TAFA1: variants seen among roughly 807,000 people sequenced by gnomAD.
TAFA1 encodes chemokine-like protein TAFA-1.
Under a neutral mutation model 18.5 loss-of-function variants are expected in TAFA1, and 4 were observed. The observed-to-expected ratio is 0.22, with a 90% CI of 0.11 to 0.49. TAFA1 has a LOEUF of 0.49. Ranked by LOEUF, TAFA1 falls within the 20% of genes least tolerant of loss-of-function variation. The probability of loss-of-function intolerance (pLI) is 0.98; values close to 1 mark genes in which losing one functional copy is unlikely to be tolerated. For missense variants in TAFA1, 147 were observed against 169.0 expected, an observed-to-expected ratio of 0.87 and a Z score of 0.72; for synonymous variants, 56 against 55.2, an observed-to-expected ratio of 1.01 and a Z score of -0.06.
intron 2 of TAFA1, among the ~76,000 whole-genome samples, chr3:68,358,069 C>T (rs934888953): frequency 5.3e-5 from 8 of 151,842 alleles, no homozygotes; most frequent in Non-Finnish European, 8.8e-5. Context: ...TTTCAGGGAA[C>T]CAACATTCAA....
intron 2 of TAFA1, among the ~76,000 whole-genome samples, chr3:68,195,969 A>G (rs543293559): frequency 2.7e-3 from 416 of 151,810 alleles, no homozygotes; most frequent in African/African-American, 8.9e-3. Flanking sequence ...ATATCTAAAA[A>G]TATTTTCTCT....
intron 2 of TAFA1, among the ~76,000 whole-genome samples, chr3:68,394,920 A>T (rs1266631839): frequency 1.3e-5 from 2 of 152,328 alleles, no homozygotes; most frequent in Middle Eastern, 3.4e-3. Flanking sequence ...CACCAAAAGC[A>T]ATTGCAACAA....
chr3:68,013,846 A>G (rs1704520812), intron 2 of TAFA1, among the ~76,000 whole-genome samples: 1 of 152,184 alleles, frequency 6.6e-6, no homozygotes, highest in Non-Finnish European at 1.5e-5. Flanking sequence ...TGATATTATC[A>G]CAGGGTTTCT....
At chr3:68,531,815 C>T (rs901830574) in intron 3 of TAFA1, among the ~76,000 whole-genome samples, 4 of 152,094 alleles carry the variant, frequency 2.6e-5, no homozygotes, top group Non-Finnish European at 1.5e-5. Flanking sequence ...GCCAGGCATT[C>T]CTGGTGGGGG....
chr3:68,333,861 A>G (rs546071844), intron 2 of TAFA1, among the ~76,000 whole-genome samples: 1 of 152,362 alleles, frequency 6.6e-6, no homozygotes, highest in South Asian at 2.1e-4. Flanking sequence ...TACAACATGG[A>G]TGAACCTGGA....
At chr3:68,134,736 G>C (rs1353944138) in intron 2 of TAFA1, among the ~76,000 whole-genome samples, 1 of 152,134 alleles carries the variant, frequency 6.6e-6, no homozygotes, top group Non-Finnish European at 1.5e-5. Context: ...CTAGATGCTG[G>C]GGAGATATTA....
At chr3:68,062,585 T>G (rs1437260306) in intron 2 of TAFA1, among the ~76,000 whole-genome samples, 1 of 152,180 alleles carries the variant, frequency 6.6e-6, no homozygotes, top group Non-Finnish European at 1.5e-5. Context: ...GAATTGTGAC[T>G]TCCTATACAT....
intron 2 of TAFA1, among the ~76,000 whole-genome samples, chr3:68,238,703 T>C (rs1559571133): frequency 6.6e-6 from 1 of 152,198 alleles, no homozygotes; most frequent in African/African-American, 2.4e-5. Flanking sequence ...AGTTTTGTAA[T>C]ATCTTAACAG....
At chr3:68,523,910 G>A (rs141035065) in intron 3 of TAFA1, among the ~76,000 whole-genome samples, 59 of 151,974 alleles carry the variant, frequency 3.9e-4, no homozygotes, top group Admixed American at 1.0e-3. Flanking sequence ...TTCCTATTTC[G>A]TGCTATACCA....
intron 2 of TAFA1, among the ~76,000 whole-genome samples, chr3:68,391,659 C>T (rs1306555775): frequency 6.6e-6 from 1 of 152,200 alleles, no homozygotes; most frequent in African/African-American, 2.4e-5. Flanking sequence ...AACAGTGGAT[C>T]TCTCTGCAGA....
At chr3:68,351,792 G>T (rs1014450606) in intron 2 of TAFA1, among the ~76,000 whole-genome samples, 1 of 151,944 alleles carries the variant, frequency 6.6e-6, no homozygotes, top group Non-Finnish European at 1.5e-5. Context: ...GCTGTCTTCA[G>T]TGGTTAACTT....
chr3:68,342,863 G>T (rs2069107384), intron 2 of TAFA1, among the ~76,000 whole-genome samples: 1 of 152,196 alleles, frequency 6.6e-6, no homozygotes, highest in South Asian at 2.1e-4. Context: ...AATCTGTGGA[G>T]AATTTAATAA....
Position 68,544,636 on chromosome 3 carries a change from T to C in TAFA1, c.*133T>C. ...TTGACTGGCTACCAGATAATCACAG[T>C]GCGTTTACTGTGTGTAACGAAATAT... On this transcript the variant is annotated 3_prime_UTR_variant, in exon 5 of 5. Coordinates refer to ENST00000478136, the MANE Select transcript of TAFA1 (RefSeq NM_213609.4). The C allele has an allele frequency of 1.2e-6, 1 of 868,974 alleles. No homozygotes were observed. 53.8% of individuals were successfully genotyped at this position (868,974 alleles called of 1,614,324 possible).
intron 2 of TAFA1, among the ~76,000 whole-genome samples, chr3:68,034,561 T>C (rs1046429103): frequency 6.6e-6 from 1 of 152,324 alleles, no homozygotes; most frequent in Admixed American, 6.5e-5. Context: ...GTGACCTAGC[T>C]TTCAGCAGGA....
At chr3:68,354,910 G>C (rs1313077756) in intron 2 of TAFA1, among the ~76,000 whole-genome samples, 1 of 151,934 alleles carries the variant, frequency 6.6e-6, no homozygotes, top group Non-Finnish European at 1.5e-5. Flanking sequence ...GCCTCCTAAA[G>C]GCCTCACCTC....
intron 2 of TAFA1, among the ~76,000 whole-genome samples, chr3:68,356,216 G>A (rs1417533747): frequency 6.6e-6 from 1 of 151,806 alleles, no homozygotes; most frequent in African/African-American, 2.4e-5. Flanking sequence ...GATATACTGG[G>A]TGATATAGCA....
the TAFA1 span, among the ~76,000 whole-genome samples, chr3:67,999,142 G>A: frequency 3.9e-5 from 6 of 152,116 alleles, no homozygotes; most frequent in Admixed American, 1.3e-4. Flanking sequence ...CACTTCTGAC[G>A]TTTCAAATGC....
chr3:68,480,144 G>C (rs1465983970), intron 3 of TAFA1, among the ~76,000 whole-genome samples: 2 of 151,460 alleles, frequency 1.3e-5, no homozygotes, highest in Non-Finnish European at 2.9e-5. Flanking sequence ...TGTAATCCTA[G>C]CACTTTGGGA....
Position 68,051,904 on chromosome 3 carries a change from G to T in TAFA1, c.118+45160G>T, listed in dbSNP as rs1167370199. Among the ~76,000 whole-genome samples, 3 of 151,932 alleles carry T rather than the reference G, an allele frequency of 2.0e-5. No homozygotes were observed. In the East Asian group the frequency reaches 5.8e-4, roughly 29 times the overall value. On this transcript the variant is annotated intron_variant, in intron 2 of 4. Transcript: ENST00000478136. ...TTTAAATGTTGGAGAGTCTTTTTAAGAATACAAATGACATTCTTTGCATTC... is the reference window on the plus strand; with the variant it reads ...TTTAAATGTTGGAGAGTCTTTTTAATAATACAAATGACATTCTTTGCATTC...
Sources: allele counts gnomAD v4.1 joint callset (sites outside exome capture counted in the v4.1 genomes callset), GRCh38; gene constraint gnomAD v4.1.1; transcripts MANE v1.5; gene names NCBI Gene and HGNC (gene_info 2026-07-23, HGNC 2026-07-21).